SCAMP5: variants seen among roughly 807,000 people sequenced by gnomAD.
The protein encoded by SCAMP5 is secretory carrier membrane protein 5, also known as secretory carrier-associated membrane protein 5.
SCAMP5 carries 7 observed loss-of-function variants against 28.3 expected under a neutral mutation model. The ratio of observed to expected loss-of-function variants is 0.25; its 90% confidence interval spans 0.14 to 0.46. The LOEUF is 0.46. Ranked by LOEUF, SCAMP5 falls within the 20% of genes least tolerant of loss-of-function variation. The pLI is 0.99. For missense variants in SCAMP5, 192 were observed against 312.5 expected, an observed-to-expected ratio of 0.61 and a Z score of 2.91; for synonymous variants, 117 against 116.4, an observed-to-expected ratio of 1.00 and a Z score of -0.03.
chr15:75,006,401 C>G (rs1314256649), intron 1 of SCAMP5, among the ~76,000 whole-genome samples: 4 of 152,140 alleles, frequency 2.6e-5, no homozygotes, highest in African/African-American at 7.2e-5. Flanking sequence ...ACCTGTAATC[C>G]CAGCACTTTG....
chr15:75,004,612 C>A (rs1461569742), intron 1 of SCAMP5, among the ~76,000 whole-genome samples: 1 of 152,046 alleles, frequency 6.6e-6, no homozygotes, highest in South Asian at 2.1e-4. Context: ...CACCTGTAGT[C>A]CCAGCTACTC....
intron 3 of SCAMP5, among the ~76,000 whole-genome samples, chr15:75,013,570 C>G (rs1443764932): frequency 2.6e-5 from 4 of 152,122 alleles, no homozygotes; most frequent in Admixed American, 6.5e-5. Context: ...TGTGGTGGCT[C>G]ACACTTGTAG....
chr15:75,013,121 C>T, intron 3 of SCAMP5: 1 of 285,454 alleles, frequency 3.5e-6, no homozygotes, highest in East Asian at 7.4e-5. Context: ...CTTGCTTCCC[C>T]TTTCCCTTCC....
At chr15:75,003,543 C>T (rs369927742) in intron 1 of SCAMP5, among the ~76,000 whole-genome samples, 2 of 152,140 alleles carry the variant, frequency 1.3e-5, no homozygotes. Context: ...GCACAGTGAC[C>T]TCATGCCTGT....
chr15:75,013,459 G>A (rs1003042546), intron 3 of SCAMP5, among the ~76,000 whole-genome samples: 1 of 152,146 alleles, frequency 6.6e-6, no homozygotes, highest in Admixed American at 6.6e-5. Context: ...GGCACTTTGG[G>A]AGGCTGAGCC....
chr15:75,014,195 CTT>C (rs2065839704), intron 3 of SCAMP5, among the ~76,000 whole-genome samples: 1 of 152,290 alleles, frequency 6.6e-6, no homozygotes, highest in South Asian at 2.1e-4. Flanking sequence ...AATATACTGT[CTT>C]TGCAGCAGGT....
At chr15:74,999,508 C>T (rs1441927720) in intron 1 of SCAMP5, among the ~76,000 whole-genome samples, 1 of 152,144 alleles carries the variant, frequency 6.6e-6, no homozygotes, top group African/African-American at 2.4e-5. Flanking sequence ...TGGAACCACC[C>T]CCATGTTTTC....
intron 1 of SCAMP5, among the ~76,000 whole-genome samples, chr15:75,004,350 G>A (rs554388953): frequency 6.6e-6 from 1 of 152,154 alleles, no homozygotes; most frequent in South Asian, 2.1e-4. Context: ...TTATGTATAT[G>A]TATAAAATTT....
chr15:74,996,560 T>G lies in SCAMP5; in HGVS notation c.-49+887T>G, dbSNP rs1595877367. Reference sequence around the variant, plus strand: ...ACTTCCAGAGGTGATGGGATTTGGGTGGGAGGAGAGGCAAGAGAGGGCATT... The same window carrying G: ...ACTTCCAGAGGTGATGGGATTTGGGGGGGAGGAGAGGCAAGAGAGGGCATT... On this transcript the variant is annotated intron_variant, in intron 1 of 6. Coordinates refer to ENST00000425597, the MANE Select transcript of SCAMP5 (RefSeq NM_138967.4). The surrounding 1 kb of genome is among the most constrained non-coding windows in gnomAD (Gnocchi z 4.1). Among the ~76,000 whole-genome samples, 1 of 151,260 alleles carries G rather than the reference T, an allele frequency of 6.6e-6. No individual in the cohort carries two copies. Among genetic ancestry groups the G allele is most frequent in the Admixed American group, 6.6e-5 (1 of 15,186 alleles).
chr15:75,010,163 T>G (rs1211502583), intron 1 of SCAMP5, among the ~76,000 whole-genome samples: 1 of 152,130 alleles, frequency 6.6e-6, no homozygotes. Flanking sequence ...TTAGCATGGG[T>G]CAGCCAGGCC....
In SCAMP5 at chr15:75,018,490, C is replaced by G. The variant is rs1308216988; in HGVS notation, c.468C>G (p.Val156=). 1 of 1,613,360 alleles carries G rather than the reference C, an allele frequency of 6.2e-7. No homozygotes were observed. Among genetic ancestry groups the G allele is most frequent in the Non-Finnish European group, 8.5e-7 (1 of 1,179,438 alleles). Residue 156 remains valine (V), a synonymous_variant, in exon 6 of 7, where the codon GTC becomes GTG. Transcript: ENST00000425597. This position sits in a 1 kb window ranked among gnomAD's most constrained non-coding sequence, Gnocchi z 5.6. ...CGGTGGTGATGCTAATTCCCACTGT[C>G]ATGTTCACAGTGATGGCCGTCTTTT... ...GSAVVMLIPT[V]MFTVMAVFSF...
intron 3 of SCAMP5, among the ~76,000 whole-genome samples, chr15:75,014,524 T>C (rs149482293): frequency 2.6e-4 from 39 of 152,346 alleles, no homozygotes; most frequent in African/African-American, 8.9e-4. Flanking sequence ...CATTTGACAT[T>C]GGCTGATGTG....
At chr15:75,008,551 G>A (rs921289174) in intron 1 of SCAMP5, among the ~76,000 whole-genome samples, 2 of 150,032 alleles carry the variant, frequency 1.3e-5, no homozygotes, top group African/African-American at 4.9e-5. Context: ...CCAGGCTGGA[G>A]TGCAGCAGCG....
chr15:75,000,369 T>A (rs2065692480), intron 1 of SCAMP5, among the ~76,000 whole-genome samples: 1 of 148,824 alleles, frequency 6.7e-6, no homozygotes, highest in Admixed American at 6.7e-5. Context: ...GGGCTAGGCA[T>A]ATTTAAAAAA....
At chr15:75,004,263 G>A (rs1267505583) in intron 1 of SCAMP5, among the ~76,000 whole-genome samples, 5 of 152,122 alleles carry the variant, frequency 3.3e-5, no homozygotes, top group Non-Finnish European at 7.4e-5. Context: ...TCGAACACCT[G>A]GGCACAAGTG....
intron 1 of SCAMP5, among the ~76,000 whole-genome samples, chr15:75,011,010 C>T (rs1429792398): frequency 6.6e-6 from 1 of 152,028 alleles, no homozygotes; most frequent in Non-Finnish European, 1.5e-5. Flanking sequence ...TTCAAATTAG[C>T]CTGGGCGATA....
intron 1 of SCAMP5, among the ~76,000 whole-genome samples, chr15:74,999,976 G>T (rs752214823): frequency 1.3e-5 from 2 of 151,990 alleles, no homozygotes; most frequent in Non-Finnish European, 2.9e-5. Context: ...GAAAAAAACA[G>T]GTTATAAAAC....
chr15:74,998,625 A>G (rs1300385545), intron 1 of SCAMP5, among the ~76,000 whole-genome samples: 9 of 151,194 alleles, frequency 6.0e-5, no homozygotes, highest in African/African-American at 2.2e-4. Flanking sequence ...AAAAAAAAGA[A>G]CTTTGGTTTG....
At chr15:75,003,510 T>C (rs2065728457) in intron 1 of SCAMP5, among the ~76,000 whole-genome samples, 1 of 152,152 alleles carries the variant, frequency 6.6e-6, no homozygotes, top group South Asian at 2.1e-4. Context: ...CAAAAAAGTT[T>C]AAAGAATAGG....
Sources: allele counts gnomAD v4.1 joint callset (sites outside exome capture counted in the v4.1 genomes callset), GRCh38; gene constraint gnomAD v4.1.1; non-coding constraint Gnocchi (gnomAD v3.1); transcripts MANE v1.5; gene names NCBI Gene and HGNC (gene_info 2026-07-23, HGNC 2026-07-21).